BARD1: variants seen among roughly 807,000 people sequenced by gnomAD.
BARD1 encodes the protein BRCA1-associated RING domain protein 1.
In BARD1, 73 loss-of-function variants were observed where a neutral mutation model predicts 77.0. The observed-to-expected ratio is 0.95, with a 90% CI of 0.79 to 1.15. The LOEUF (loss-of-function observed/expected upper bound fraction) is 1.15, where lower values mean the gene tolerates loss of function less well. Among genes scored for constraint, BARD1 ranks in the 50% most tolerant of loss-of-function variants. The pLI is 0.00. For synonymous variants in BARD1, 384 were observed against 338.0 expected (o/e 1.14, Z -1.49); for missense variants, 993 against 938.8 (o/e 1.06, Z -0.75).
intron 1 of BARD1, among the ~76,000 whole-genome samples, chr2:214,798,894 G>A (rs1313284802): frequency 1.3e-5 from 2 of 152,086 alleles, no homozygotes; most frequent in African/African-American, 4.8e-5. Flanking sequence ...CGAGGTGAGA[G>A]GATCACTTGA....
intron 6 of BARD1, among the ~76,000 whole-genome samples, chr2:214,763,234 A>C (rs62197313): frequency 0.012 from 1,887 of 152,298 alleles, 21 homozygotes; most frequent in Non-Finnish European, 0.021. Flanking sequence ...TTCTTCCAGA[A>C]AGCCTTCTGT....
At chr2:214,791,156 GCA>G (rs1695493344) in intron 3 of BARD1, among the ~76,000 whole-genome samples, 1 of 152,040 alleles carries the variant, frequency 6.6e-6, no homozygotes, top group African/African-American at 2.4e-5. Flanking sequence ...CTGCACTACA[GCA>G]CATTTTATCA....
rs1420768960 is a variant in BARD1, at chr2:214,764,377, G to A, written c.1568+3105C>T. Among the ~76,000 whole-genome samples the A allele has an allele frequency of 2.6e-5, 4 of 151,754 alleles. No homozygotes were observed. In the East Asian group the frequency reaches 7.7e-4, roughly 29 times the overall value. The stretch of plus-strand genomic sequence containing the variant: ...CGACTGGGGAGAAGTACCACATCAG[G>A]AAAGGTGGCCAAAAGGACAGGATAA... On this transcript the variant is annotated intron_variant, in intron 6 of 10. Transcript: ENST00000260947.
At chr2:214,758,807 G>A (rs903186166) in intron 6 of BARD1, among the ~76,000 whole-genome samples, 3 of 152,146 alleles carry the variant, frequency 2.0e-5, no homozygotes, top group Non-Finnish European at 4.4e-5. Context: ...TAATAATATG[G>A]CAGACACCTG....
chr2:214,776,945 G>A (rs1286461117), intron 4 of BARD1, among the ~76,000 whole-genome samples: 1 of 152,048 alleles, frequency 6.6e-6, no homozygotes, highest in Non-Finnish European at 1.5e-5. Context: ...CTAAAGGAAT[G>A]TGAGAGTCTC....
chr2:214,794,537 C>T (rs1419738857), intron 2 of BARD1, among the ~76,000 whole-genome samples: 2 of 151,894 alleles, frequency 1.3e-5, no homozygotes, highest in African/African-American at 4.8e-5. Context: ...TTTTTCCTTA[C>T]AAAGTGTTAT....
At chr2:214,737,268 A>G (rs755378008) in intron 9 of BARD1, among the ~76,000 whole-genome samples, 1 of 152,154 alleles carries the variant, frequency 6.6e-6, no homozygotes, top group Non-Finnish European at 1.5e-5. Flanking sequence ...TATTTCCTTC[A>G]GCCCTCAGAG....
At chr2:214,751,133 A>ACATTTTTTTTT (rs1693409109) in intron 7 of BARD1, among the ~76,000 whole-genome samples, 1 of 16,274 alleles carries the variant, frequency 6.1e-5, no homozygotes, top group African/African-American at 1.4e-4. Flanking sequence ...ATATATATAT[A>ACATTTTTTTTT]TATATATATA....
chr2:214,789,494 A>C (rs1444685233), intron 3 of BARD1, among the ~76,000 whole-genome samples: 1 of 152,030 alleles, frequency 6.6e-6, no homozygotes, highest in African/African-American at 2.4e-5. Context: ...TCAGTGAGCC[A>C]TGATGGCCCC....
At chr2:214,792,586 C>T in intron 2 of BARD1, 141 bp from the exon 3 acceptor site, 1 of 852,868 alleles carries the variant, frequency 1.2e-6, no homozygotes, top group South Asian at 1.9e-5. Context: ...TTGTTGAATA[C>T]TGTTTTAAAG....
In BARD1 at chr2:214,779,465, A is replaced by G. The variant is rs191695324; in HGVS notation, c.1314+1095T>C. Among the ~76,000 whole-genome samples, 808 of 152,342 alleles carry G rather than the reference A, an allele frequency of 5.3e-3. 12 individuals carry two copies. The highest frequency in any genetic ancestry group is 0.037 in the South Asian group (178 of 4,820). On this transcript the variant is annotated intron_variant, in intron 4 of 10. Coordinates refer to ENST00000260947, the MANE Select transcript of BARD1 (RefSeq NM_000465.4). ...TTTTGATTCGCAGTTGGTTGAACCC[A>G]TAAACATAGAATGCACAGATACACA...
chr2:214,752,325 A>G, intron 7 of BARD1, 122 bp downstream of exon 7: 1 of 765,758 alleles, frequency 1.3e-6, no homozygotes, highest in Non-Finnish European at 2.2e-6. Context: ...ATACTCAGGA[A>G]GTGCTCAATA....
intron 9 of BARD1, among the ~76,000 whole-genome samples, chr2:214,743,144 ACTG>A (rs1692922910): frequency 6.6e-6 from 1 of 152,224 alleles, no homozygotes; most frequent in Non-Finnish European, 1.5e-5. Context: ...GCTGGATCAG[ACTG>A]CATTGGTTGA....
intron 1 of BARD1, among the ~76,000 whole-genome samples, chr2:214,807,106 AG>A (rs1161791392): frequency 6.6e-6 from 1 of 152,128 alleles, no homozygotes; most frequent in African/African-American, 2.4e-5. Flanking sequence ...GCGGGCAGAA[AG>A]GCCTAAAATA....
rs933496742 is a variant in BARD1 at position 214,755,637 on chromosome 2, G to A, written c.1569-3082C>T. Among the ~76,000 whole-genome samples, 7 of 152,310 alleles carry A rather than the reference G, an allele frequency of 4.6e-5. 1 individual carries two copies. Among genetic ancestry groups the A allele is most frequent in the Admixed American group, 3.9e-4 (6 of 15,298 alleles). On this transcript the variant is annotated intron_variant, in intron 6 of 10. Transcript: ENST00000260947. ...TATGGTGGTTAACTGTTAAGGGGCC[G>A]TGTAGGGAATAAGCAACATGATTAC...
chr2:214,790,918 C>A (rs1260767213), intron 3 of BARD1, among the ~76,000 whole-genome samples: 1 of 152,112 alleles, frequency 6.6e-6, no homozygotes, highest in Non-Finnish European at 1.5e-5. Flanking sequence ...CTGCACTGAC[C>A]CTCGGTATCT....
intron 9 of BARD1, among the ~76,000 whole-genome samples, chr2:214,733,191 A>C (rs1005157867): frequency 6.6e-6 from 1 of 152,154 alleles, no homozygotes; most frequent in Non-Finnish European, 1.5e-5. Context: ...CGCTCTTCCT[A>C]TATCATATTT....
At chr2:214,750,008 G>GCA (rs1693330355) in intron 7 of BARD1, among the ~76,000 whole-genome samples, 1 of 152,096 alleles carries the variant, frequency 6.6e-6, no homozygotes, top group Admixed American at 6.6e-5. Context: ...GCATCTATGA[G>GCA]AGTATCAAAC....
At chr2:214,796,707 A>G (rs1468294160) in intron 2 of BARD1, 5 of 233,498 alleles carry the variant, frequency 2.1e-5, no homozygotes, top group Admixed American at 5.2e-5. Flanking sequence ...AACTAATATA[A>G]TAACTGTAAG....
Sources: gnomAD v4.1 joint callset for allele counts (sites outside exome capture counted in the v4.1 genomes callset) on GRCh38, gnomAD v4.1.1 for gene constraint, MANE v1.5 for transcripts, NCBI Gene and HGNC (gene_info 2026-07-23, HGNC 2026-07-21) for gene names.